The following GSE1 variants were observed in gnomAD, a reference collection of about 807,000 sequenced individuals.
GSE1 encodes genetic suppressor element 1.
GSE1 carries 32 observed loss-of-function variants against 112.6 expected under a neutral mutation model. That is an observed-to-expected ratio of 0.28 (90% CI 0.21 to 0.38). The LOEUF (loss-of-function observed/expected upper bound fraction) is 0.38, where lower values mean the gene tolerates loss of function less well. GSE1 is among the 10% of genes least tolerant of loss of function. The probability of loss-of-function intolerance (pLI) is 1.00; values close to 1 mark genes in which losing one functional copy is unlikely to be tolerated. For synonymous variants in GSE1, 1,115 were observed against 735.6 expected, an observed-to-expected ratio of 1.52 and a Z score of -8.35; for missense variants, 2,348 against 1,699.2, an observed-to-expected ratio of 1.38 and a Z score of -6.71.
At chr16:85,176,322 G>A (rs2074463532) in intron 1 of GSE1, among the ~76,000 whole-genome samples, 1 of 152,202 alleles carries the variant, frequency 6.6e-6, no homozygotes, top group African/African-American at 2.4e-5. Context: ...TTTCCTGTGT[G>A]TGCCCACCCC....
intron 2 of GSE1, among the ~76,000 whole-genome samples, chr16:85,547,278 G>C (rs13329722): frequency 0.22 from 33,667 of 152,120 alleles, 4,249 homozygotes; most frequent in South Asian, 0.41. Flanking sequence ...CAAACTGGGT[G>C]GCAGCTTAAA....
intron 2 of GSE1, among the ~76,000 whole-genome samples, chr16:85,429,471 AG>A (rs1246914240): frequency 2.6e-5 from 4 of 152,218 alleles, no homozygotes; most frequent in Non-Finnish European, 5.9e-5. Context: ...AGCTGTGACA[AG>A]TGCGAATCTG....
At chr16:85,545,895 G>C (rs2044678322) in intron 2 of GSE1, among the ~76,000 whole-genome samples, 1 of 152,028 alleles carries the variant, frequency 6.6e-6, no homozygotes, top group African/African-American at 2.4e-5. Flanking sequence ...CCATTCTTCT[G>C]TCTCAGCCTC....
chr16:85,187,328 AC>A (rs1446568112), intron 1 of GSE1, among the ~76,000 whole-genome samples: 3 of 152,226 alleles, frequency 2.0e-5, no homozygotes, highest in Non-Finnish European at 4.4e-5. Flanking sequence ...GGTGGAAGGG[AC>A]AGAGCGACGC....
intron 1 of GSE1, among the ~76,000 whole-genome samples, chr16:85,314,739 A>G (rs1036626378): frequency 3.3e-5 from 5 of 152,112 alleles, no homozygotes; most frequent in Admixed American, 3.3e-4. Flanking sequence ...TAGGTTCCCC[A>G]GGCTTGTTTT....
chr16:85,641,382 C>T (rs955076536), intron 2 of GSE1, among the ~76,000 whole-genome samples: 5 of 152,152 alleles, frequency 3.3e-5, no homozygotes, highest in African/African-American at 7.2e-5. Context: ...GACTGTGGCA[C>T]GTGATGGCAG....
chr16:85,196,432 C>T (rs889244432), intron 1 of GSE1, among the ~76,000 whole-genome samples: 3 of 152,112 alleles, frequency 2.0e-5, no homozygotes, highest in African/African-American at 7.2e-5. Flanking sequence ...GCGTCAAGTT[C>T]ACGTGTGCAC....
intron 2 of GSE1, among the ~76,000 whole-genome samples, chr16:85,367,070 T>C (rs986142435): frequency 2.6e-5 from 4 of 152,212 alleles, no homozygotes; most frequent in Admixed American, 6.5e-5. Flanking sequence ...CCGTGGCCTC[T>C]GCTCACCCAC....
Position 85,242,644 on chromosome 16 carries a change from G to A in GSE1, c.2283+70837G>A, listed in dbSNP as rs138964056. Among the ~76,000 whole-genome samples the A allele has an allele frequency of 7.9e-5, 12 of 152,248 alleles. No individual in the cohort carries two copies. The East Asian group carries it at 2.3e-3, about 29-fold the overall frequency. On this transcript the variant is annotated intron_variant, in intron 1 of 2. Coordinates refer to the GSE1 transcript ENST00000637419. The stretch of plus-strand genomic sequence containing the variant: ...GCCCAAAGCAGGGAGGGCTGGATGG[G>A]GACTCTGGAAACAGGAGGTATACGA...
chr16:85,294,174 G>A (rs965159824), intron 1 of GSE1, among the ~76,000 whole-genome samples: 1 of 152,164 alleles, frequency 6.6e-6, no homozygotes, highest in African/African-American at 2.4e-5. Context: ...GATCCCCGGG[G>A]TCCCTTCTGC....
chr16:85,674,784 G>A lies in GSE1; in HGVS notation c.*2245G>A, dbSNP rs986940837. The A allele has an allele frequency of 6.6e-6, 1 of 152,450 alleles. No homozygotes were observed. Among genetic ancestry groups the A allele is most frequent in the Non-Finnish European group, 1.5e-5 (1 of 68,060 alleles). 9.4% of individuals were successfully genotyped at this position (152,450 alleles called of 1,614,324 possible). ...GAGAGGTCTGCCCAGGGTGGGAGCA[G>A]TGTCACTGTGCTAGCAATAGTTGGC... On this transcript the variant is annotated 3_prime_UTR_variant, in exon 16 of 16. Transcript: ENST00000253458.
At chr16:85,469,271 G>A (rs1171338249) in intron 2 of GSE1, among the ~76,000 whole-genome samples, 4 of 152,270 alleles carry the variant, frequency 2.6e-5, no homozygotes, top group Non-Finnish European at 4.4e-5. Flanking sequence ...AAAAGAAGTG[G>A]GCCCGAAATT....
At chr16:85,348,292 C>T (rs1350491702) in intron 1 of GSE1, among the ~76,000 whole-genome samples, 1 of 145,202 alleles carries the variant, frequency 6.9e-6, no homozygotes, top group Non-Finnish European at 1.5e-5. Context: ...CATCCATCCA[C>T]TGTTCATCCA....
intron 1 of GSE1, among the ~76,000 whole-genome samples, chr16:85,576,277 G>A (rs991541940): frequency 2.6e-5 from 4 of 152,194 alleles, no homozygotes; most frequent in African/African-American, 7.2e-5. Context: ...AGAGGGAAAG[G>A]CACATTTAAA....
intron 1 of GSE1, among the ~76,000 whole-genome samples, chr16:85,283,886 A>C (rs2044933172): frequency 6.6e-6 from 1 of 152,188 alleles, no homozygotes; most frequent in South Asian, 2.1e-4. Flanking sequence ...CTTTAATCTC[A>C]GGCCGTCTGG....
chr16:85,179,163 G>A (rs952914284), intron 1 of GSE1, among the ~76,000 whole-genome samples: 11 of 151,898 alleles, frequency 7.2e-5, no homozygotes, highest in South Asian at 2.1e-4. Flanking sequence ...AATCCCCGTC[G>A]CCTCCTCCAC....
At chr16:85,499,271 T>C (rs976672141) in intron 2 of GSE1, among the ~76,000 whole-genome samples, 17 of 145,696 alleles carry the variant, frequency 1.2e-4, no homozygotes, top group African/African-American at 4.3e-4. Flanking sequence ...CTGCCAGCTG[T>C]CAGAGAGAAG....
At chr16:85,334,483 T>A (rs2046441679) in intron 1 of GSE1, among the ~76,000 whole-genome samples, 1 of 152,204 alleles carries the variant, frequency 6.6e-6, no homozygotes, top group South Asian at 2.1e-4. Flanking sequence ...CGGCATCCCT[T>A]CTCTGCGTTT....
chr16:85,273,454 C>G (rs77846931), intron 1 of GSE1, among the ~76,000 whole-genome samples: 1 of 152,142 alleles, frequency 6.6e-6, no homozygotes, highest in African/African-American at 2.4e-5. Context: ...CTCTCCATGC[C>G]GTGGAATATT....
Sources: gnomAD v4.1 joint callset for allele counts (sites outside exome capture counted in the v4.1 genomes callset) on GRCh38, gnomAD v4.1.1 for gene constraint, MANE v1.5 for transcripts, NCBI Gene and HGNC (gene_info 2026-07-23, HGNC 2026-07-21) for gene names.